The following FGF1 variants were observed in gnomAD, a reference collection of about 807,000 sequenced individuals.
FGF1 encodes beta-endothelial cell growth factor.
FGF1 carries 9 observed loss-of-function variants against 13.4 expected under a neutral mutation model. That is an observed-to-expected ratio of 0.67 (90% confidence interval 0.40 to 1.17). FGF1 has a LOEUF of 1.17. Ranked by LOEUF, FGF1 falls within the 50% of genes most tolerant of loss-of-function variation. The probability of loss-of-function intolerance (pLI) is 0.01; values close to 1 mark genes in which losing one functional copy is unlikely to be tolerated. For missense variants in FGF1, 156 were observed against 192.7 expected, an observed-to-expected ratio of 0.81 and a Z score of 1.13; for synonymous variants, 93 against 79.0, an observed-to-expected ratio of 1.18 and a Z score of -0.94.
chr5:142,636,797 G>A (rs1202028724), intron 1 of FGF1, among the ~76,000 whole-genome samples: 1 of 152,008 alleles, frequency 6.6e-6, no homozygotes, highest in African/African-American at 2.4e-5. Context: ...TTTACTTGGG[G>A]GAACTGAACA....
intron 2 of FGF1, among the ~76,000 whole-genome samples, chr5:142,613,574 C>A (rs932167396): frequency 4.6e-5 from 7 of 152,248 alleles, no homozygotes; most frequent in African/African-American, 1.7e-4. Flanking sequence ...CATCTCTGTG[C>A]AGGATTTACC....
chr5:142,595,276 C>T lies in FGF1; in HGVS notation c.*14G>A, dbSNP rs1755012497. On this transcript the variant is annotated 3_prime_UTR_variant, in exon 4 of 4. Transcript: ENST00000337706. Reference sequence around the variant, plus strand: ...AAACTTCTCTGGAGTGGTCAACACCCAGAACAGATCTCTTTAATCAGAAGA... The same window carrying T: ...AAACTTCTCTGGAGTGGTCAACACCTAGAACAGATCTCTTTAATCAGAAGA... 13 of 1,611,424 alleles carry T rather than the reference C, an allele frequency of 8.1e-6. No individual in the cohort carries two copies. The highest frequency in any genetic ancestry group is 1.1e-5 in the Non-Finnish European group (13 of 1,178,600).
intron 1 of FGF1, among the ~76,000 whole-genome samples, chr5:142,618,545 A>G (rs1760721125): frequency 6.6e-6 from 1 of 152,228 alleles, no homozygotes; most frequent in African/African-American, 2.4e-5. Context: ...GATCTAAGTC[A>G]GCTGTGATTA....
At chr5:142,669,568 G>T (rs1478076122) in intron 1 of FGF1, among the ~76,000 whole-genome samples, 1 of 152,202 alleles carries the variant, frequency 6.6e-6, no homozygotes, top group African/African-American at 2.4e-5. Flanking sequence ...GGCATAGAGG[G>T]ACCGGAAGGA....
intron 1 of FGF1, among the ~76,000 whole-genome samples, chr5:142,651,657 T>A (rs1365357504): frequency 2.0e-5 from 3 of 152,138 alleles, no homozygotes; most frequent in African/African-American, 7.2e-5. Flanking sequence ...CATCCTTCCC[T>A]CCCTCCTAAC....
At chr5:142,623,822 C>T (rs552486949) in intron 1 of FGF1, among the ~76,000 whole-genome samples, 1 of 151,228 alleles carries the variant, frequency 6.6e-6, no homozygotes, top group East Asian at 2.0e-4. Context: ...CACTCATGCT[C>T]ACTGTAGCCT....
In FGF1 at chr5:142,692,708, G is replaced by GCACACACACACACACACGCACAGAC. The variant is rs1561776398; in HGVS notation, c.-35+4913_-35+4914insGTCTGTGCGTGTGTGTGTGTGTGTG. On this transcript the variant is annotated intron_variant, in intron 2 of 4. Coordinates refer to the FGF1 transcript ENST00000407758. ...ACGCACACACACACACACACGCACAGACACACACACACACACAGTTTTACA... is the reference window on the plus strand; with the variant it reads ...ACGCACACACACACACACACGCACAGCACACACACACACACACGCACAGACACACACACACACACACAGTTTTACA... Among the ~76,000 whole-genome samples the GCACACACACACACACACGCACAGAC allele has an allele frequency of 1.7e-3, 246 of 146,330 alleles. 1 individual carries two copies. The highest frequency in any genetic ancestry group is 6.1e-3 in the African/African-American group (234 of 38,366).
chr5:142,621,900 A>G (rs754380483), intron 1 of FGF1, among the ~76,000 whole-genome samples: 25 of 152,170 alleles, frequency 1.6e-4, no homozygotes, highest in Non-Finnish European at 3.4e-4. Flanking sequence ...ATTTTTCTTC[A>G]AATTTTAGTT....
At chr5:142,674,447 G>T (rs1367726315) in intron 1 of FGF1, among the ~76,000 whole-genome samples, 9 of 152,222 alleles carry the variant, frequency 5.9e-5, no homozygotes, top group Non-Finnish European at 8.8e-5. Flanking sequence ...TTCCAAGGCA[G>T]CCCCATTTCC....
intron 1 of FGF1, among the ~76,000 whole-genome samples, chr5:142,665,575 C>T (rs1329932728): frequency 6.6e-6 from 1 of 152,154 alleles, no homozygotes; most frequent in Non-Finnish European, 1.5e-5. Flanking sequence ...CAGCTAGCTG[C>T]CTCTGTCCTC....
At chr5:142,692,695 A>ACACACACACG in intron 2 of FGF1, among the ~76,000 whole-genome samples, 3 of 150,894 alleles carry the variant, frequency 2.0e-5, no homozygotes, top group African/African-American at 7.4e-5. Flanking sequence ...GCACACACAC[A>ACACACACACG]CACACACGCA....
chr5:142,667,700 A>G (rs1279076107), intron 1 of FGF1, among the ~76,000 whole-genome samples: 1 of 152,066 alleles, frequency 6.6e-6, no homozygotes, highest in Non-Finnish European at 1.5e-5. Flanking sequence ...CTGTCCTCCC[A>G]CTACCAAATG....
chr5:142,612,833 C>T (rs1053564358), intron 2 of FGF1, among the ~76,000 whole-genome samples: 1 of 152,172 alleles, frequency 6.6e-6, no homozygotes, highest in Admixed American at 6.5e-5. Flanking sequence ...CATCCATCCC[C>T]ATTACCTGTG....
At chr5:142,632,809 G>A (rs147582858) in intron 1 of FGF1, among the ~76,000 whole-genome samples, 1 of 152,258 alleles carries the variant, frequency 6.6e-6, no homozygotes, top group East Asian at 1.9e-4. Context: ...TGTAATGGTT[G>A]CACCTTCACT....
At chr5:142,633,961 G>C (rs1195378645) in intron 1 of FGF1, among the ~76,000 whole-genome samples, 2 of 151,412 alleles carry the variant, frequency 1.3e-5, no homozygotes. Context: ...GAGACGGGCG[G>C]ATCACGAGGT....
chr5:142,599,776 G>C (rs1756088081), intron 3 of FGF1, among the ~76,000 whole-genome samples: 1 of 152,144 alleles, frequency 6.6e-6, no homozygotes, highest in African/African-American at 2.4e-5. Flanking sequence ...AGCTATGATA[G>C]GGAAAGGGCA....
chr5:142,628,080 C>T (rs1265816104), intron 1 of FGF1, among the ~76,000 whole-genome samples: 1 of 152,182 alleles, frequency 6.6e-6, no homozygotes, highest in Non-Finnish European at 1.5e-5. Context: ...CCAAAGGCCC[C>T]AGGACATGAC....
At chr5:142,641,109 A>G (rs1023761651) in intron 1 of FGF1, among the ~76,000 whole-genome samples, 4 of 152,086 alleles carry the variant, frequency 2.6e-5, no homozygotes, top group Non-Finnish European at 5.9e-5. Flanking sequence ...GGTTCTTCTA[A>G]TGGAGAATGT....
chr5:142,619,600 A>G (rs1761067441), intron 1 of FGF1, among the ~76,000 whole-genome samples: 1 of 152,192 alleles, frequency 6.6e-6, no homozygotes, highest in African/African-American at 2.4e-5. Flanking sequence ...TAAGGGGGAT[A>G]AGGTGGAATA....
Sources: allele counts gnomAD v4.1 joint callset (sites outside exome capture counted in the v4.1 genomes callset), GRCh38; gene constraint gnomAD v4.1.1; transcripts MANE v1.5; gene names NCBI Gene and HGNC (gene_info 2026-07-23, HGNC 2026-07-21).